Variants in CSMD1 observed in about 807,000 individuals in gnomAD.
CSMD1 encodes CUB and sushi domain-containing protein 1.
A neutral mutation model predicts 417.5 loss-of-function variants in CSMD1; 213 were observed. That is an observed-to-expected ratio of 0.51 (90% CI 0.46 to 0.57). The LOEUF (loss-of-function observed/expected upper bound fraction) is 0.57. Ranked by LOEUF, CSMD1 falls within the 20% of genes least tolerant of loss-of-function variation. The pLI is 0.00. For synonymous variants in CSMD1, 2,862 were observed against 1,736.8 expected (o/e 1.65, Z -16.11); for missense variants, 6,923 against 4,529.7 (o/e 1.53, Z -15.17).
chr8:3,848,542 AT>A (rs1803668313), intron 5 of CSMD1, among the ~76,000 whole-genome samples: 1 of 152,242 alleles, frequency 6.6e-6, no homozygotes. Flanking sequence ...AATTTACTCA[AT>A]ACCACTTTAA....
At chr8:3,568,906 C>G (rs185414197) in intron 10 of CSMD1, among the ~76,000 whole-genome samples, 1 of 151,894 alleles carries the variant, frequency 6.6e-6, no homozygotes, top group Non-Finnish European at 1.5e-5. Context: ...AATGAAGACC[C>G]CAGGGATAAA....
intron 58 of CSMD1, among the ~76,000 whole-genome samples, chr8:2,966,187 C>G (rs1803936868): frequency 6.6e-6 from 1 of 152,174 alleles, no homozygotes; most frequent in African/African-American, 2.4e-5. Context: ...CTGTCAGATG[C>G]TGACTTCCAC....
Position 3,199,703 on chromosome 8 carries a change from G to T in CSMD1, c.5194+11C>A, listed in dbSNP as rs1223134579. 2 of 1,561,398 alleles carry T rather than the reference G, an allele frequency of 1.3e-6. No homozygotes were observed. The highest frequency in any genetic ancestry group is 3.7e-5 in the Admixed American group (2 of 54,000). ...ACAGTGACATGTGGAGACATGTGGAGTGACGCTTACCTTGATACACGAAGT... is the reference window on the plus strand; with the variant it reads ...ACAGTGACATGTGGAGACATGTGGATTGACGCTTACCTTGATACACGAAGT... On this transcript the variant is annotated intron_variant, in intron 33 of 69. Coordinates refer to ENST00000635120, the MANE Select transcript of CSMD1 (RefSeq NM_033225.6).
chr8:4,399,686 C>T (rs547861982), intron 3 of CSMD1, among the ~76,000 whole-genome samples: 6 of 152,084 alleles, frequency 3.9e-5, no homozygotes, highest in African/African-American at 1.2e-4. Flanking sequence ...TTTATTAGTA[C>T]AGAAACTCCT....
At chr8:4,049,664 C>T (rs1288614283) in intron 3 of CSMD1, among the ~76,000 whole-genome samples, 1 of 152,068 alleles carries the variant, frequency 6.6e-6, no homozygotes, top group Admixed American at 6.5e-5. Context: ...AATCGACAAG[C>T]ATAGGTATAG....
At chr8:4,458,792 T>C (rs1321313709) in intron 2 of CSMD1, among the ~76,000 whole-genome samples, 1 of 151,720 alleles carries the variant, frequency 6.6e-6, no homozygotes, top group Non-Finnish European at 1.5e-5. Flanking sequence ...TAGGAATATT[T>C]AATTTTTTTT....
intron 2 of CSMD1, among the ~76,000 whole-genome samples, chr8:4,627,708 C>T (rs957732125): frequency 1.3e-5 from 2 of 152,148 alleles, no homozygotes; most frequent in East Asian, 1.9e-4. Context: ...GCCTCTGCCC[C>T]GCCAAAAAAA....
chr8:4,674,317 A>C (rs1156464825), intron 1 of CSMD1, among the ~76,000 whole-genome samples: 1 of 152,106 alleles, frequency 6.6e-6, no homozygotes, highest in Admixed American at 6.6e-5. Context: ...ATTGAGGCTG[A>C]AAAAAATGCT....
At chr8:3,174,788 T>C (rs959090590) in intron 37 of CSMD1, among the ~76,000 whole-genome samples, 2 of 152,200 alleles carry the variant, frequency 1.3e-5, no homozygotes, top group Admixed American at 1.3e-4. Context: ...GGGCTGCCTT[T>C]AAAATTTTTT....
At chr8:3,603,118 G>A (rs1801442555) in intron 8 of CSMD1, among the ~76,000 whole-genome samples, 1 of 152,116 alleles carries the variant, frequency 6.6e-6, no homozygotes, top group African/African-American at 2.4e-5. Context: ...GGACATAAAG[G>A]CTTCAAGGAG....
At chr8:3,780,433 GT>G (rs1799113748) in intron 5 of CSMD1, among the ~76,000 whole-genome samples, 1 of 152,206 alleles carries the variant, frequency 6.6e-6, no homozygotes, top group African/African-American at 2.4e-5. Context: ...TGACTCACTA[GT>G]AAGAGTGGAT....
At chr8:3,576,069 A>G (rs912972543) in intron 9 of CSMD1, among the ~76,000 whole-genome samples, 1 of 152,086 alleles carries the variant, frequency 6.6e-6, no homozygotes, top group Non-Finnish European at 1.5e-5. Flanking sequence ...GTCATAGCCC[A>G]TCCTCTATTT....
intron 18 of CSMD1, among the ~76,000 whole-genome samples, chr8:3,372,745 G>A (rs1410531685): frequency 2.6e-5 from 4 of 152,282 alleles, no homozygotes; most frequent in Admixed American, 6.5e-5. Flanking sequence ...CTTGCCTGTA[G>A]AATGGCCGAC....
chr8:3,325,521 A>G (rs1468318588), intron 23 of CSMD1, among the ~76,000 whole-genome samples: 3 of 152,180 alleles, frequency 2.0e-5, no homozygotes, highest in Non-Finnish European at 2.9e-5. Context: ...GTTCCACTTG[A>G]TGAAAGTAAA....
intron 1 of CSMD1, among the ~76,000 whole-genome samples, chr8:4,745,868 G>C (rs965054127): frequency 2.2e-4 from 33 of 152,218 alleles, no homozygotes; most frequent in African/African-American, 7.7e-4. Context: ...GTATAGAAGG[G>C]CTTCTGAGCT....
At chr8:4,160,741 T>C (rs1391540039) in intron 3 of CSMD1, among the ~76,000 whole-genome samples, 2 of 152,352 alleles carry the variant, frequency 1.3e-5, no homozygotes, top group African/African-American at 4.8e-5. Flanking sequence ...TTCTATAAGG[T>C]GATACTACAT....
chr8:4,888,974 C>G (rs1302667049), intron 1 of CSMD1, among the ~76,000 whole-genome samples: 3 of 151,884 alleles, frequency 2.0e-5, no homozygotes, highest in African/African-American at 7.3e-5. Context: ...TTCCAATTTC[C>G]AAGCATCAAA....
intron 9 of CSMD1, among the ~76,000 whole-genome samples, chr8:3,575,405 G>C (rs751601670): frequency 7.2e-5 from 11 of 152,140 alleles, no homozygotes; most frequent in Non-Finnish European, 1.3e-4. Context: ...GAGTGTTCAC[G>C]TAGGTGTCGT....
At chr8:3,507,715 T>C (rs1045205371) in intron 10 of CSMD1, among the ~76,000 whole-genome samples, 1 of 152,260 alleles carries the variant, frequency 6.6e-6, no homozygotes, top group Non-Finnish European at 1.5e-5. Flanking sequence ...TATGAGATGG[T>C]ATCTCACTGG....
Sources: allele counts gnomAD v4.1 joint callset (sites outside exome capture counted in the v4.1 genomes callset), GRCh38; gene constraint gnomAD v4.1.1; transcripts MANE v1.5; gene names NCBI Gene and HGNC (gene_info 2026-07-23, HGNC 2026-07-21).